Variants in DLG2 observed in about 807,000 individuals in gnomAD.
DLG2 encodes discs large MAGUK scaffold protein 2, also known as disks large homolog 2.
A neutral mutation model predicts 132.5 loss-of-function variants in DLG2; 45 were observed. The ratio of observed to expected loss-of-function variants is 0.34; its 90% CI spans 0.27 to 0.44. The LOEUF is 0.44. Among genes scored for constraint, DLG2 ranks in the 20% least tolerant of loss-of-function variants. The pLI is 1.00. For missense variants in DLG2, 1,045 were observed against 1,196.9 expected, an observed-to-expected ratio of 0.87 and a Z score of 1.87; for synonymous variants, 424 against 419.6, an observed-to-expected ratio of 1.01 and a Z score of -0.13.
chr11:84,357,891 G>C (rs1052411279), intron 7 of DLG2, among the ~76,000 whole-genome samples: 8 of 151,726 alleles, frequency 5.3e-5, no homozygotes, highest in African/African-American at 1.9e-4. Context: ...TTAATGTACA[G>C]GAGGGTTATT....
At chr11:83,729,665 T>TA (rs1166998616) in intron 18 of DLG2, among the ~76,000 whole-genome samples, 2 of 152,296 alleles carry the variant, frequency 1.3e-5, no homozygotes, top group East Asian at 3.9e-4. Context: ...GGGCTGCAGA[T>TA]AAAATTCTGC....
chr11:83,730,561 C>G (rs929026202), intron 18 of DLG2, among the ~76,000 whole-genome samples: 6 of 152,086 alleles, frequency 3.9e-5, no homozygotes, highest in Non-Finnish European at 7.4e-5. Context: ...GCTTTTCTAC[C>G]AGGGAGAGCA....
chr11:84,610,285 A>C (rs1217254438), intron 6 of DLG2, among the ~76,000 whole-genome samples: 1 of 152,072 alleles, frequency 6.6e-6, no homozygotes, highest in African/African-American at 2.4e-5. Context: ...AATACTAATT[A>C]TTATTCTGTA....
Position 84,910,174 on chromosome 11 carries a change from G to T in DLG2, c.357+201487C>A, listed in dbSNP as rs561032790. Among the ~76,000 whole-genome samples the T allele has an allele frequency of 6.2e-4, 94 of 152,128 alleles. 1 individual carries two copies. The highest frequency in any genetic ancestry group is 7.6e-4 in the Non-Finnish European group (52 of 68,022). ...CTGACTGAGTGATTAAAGATCAACCGCCTTGTCTAACCAACCTCTACCCTC... is the reference window on the plus strand; with the variant it reads ...CTGACTGAGTGATTAAAGATCAACCTCCTTGTCTAACCAACCTCTACCCTC... On this transcript the variant is annotated intron_variant, in intron 6 of 27. Coordinates refer to ENST00000376104, the MANE Select transcript of DLG2 (RefSeq NM_001142699.3).
rs77677654 is a variant in DLG2, at chr11:84,087,316, T to C, written c.749+11607A>G. Among the ~76,000 whole-genome samples the C allele has an allele frequency of 8.2e-3, 1,253 of 152,346 alleles. 14 individuals carry two copies. The highest frequency in any genetic ancestry group is 0.028 in the African/African-American group (1,160 of 41,578). Reference sequence around the variant, plus strand: ...TTCTCTACATCCTTGCCAACACTTATACTGTCCATCTTTTTTATTATAGCC... The same window carrying C: ...TTCTCTACATCCTTGCCAACACTTACACTGTCCATCTTTTTTATTATAGCC... On this transcript the variant is annotated intron_variant, in intron 10 of 27. Coordinates refer to ENST00000376104, the MANE Select transcript of DLG2 (RefSeq NM_001142699.3).
intron 7 of DLG2, among the ~76,000 whole-genome samples, chr11:84,473,734 A>G (rs998645364): frequency 2.0e-5 from 3 of 152,038 alleles, no homozygotes; most frequent in Non-Finnish European, 2.9e-5. Flanking sequence ...TTTCCTTTAT[A>G]TGTTGTAGAA....
chr11:83,485,194 A>C lies in DLG2; in HGVS notation c.2194-966T>G, dbSNP rs191868536. ...TTAGCTTAAATGAGGCTGAATTAAA[A>C]ATAACACATAGATACATAATACGAT... On this transcript the variant is annotated intron_variant, in intron 21 of 27. Transcript: ENST00000376104. Among the ~76,000 whole-genome samples, 7 of 152,266 alleles carry C rather than the reference A, an allele frequency of 4.6e-5. No homozygotes were observed. In the South Asian group the frequency reaches 6.2e-4, roughly 14 times the overall value.
chr11:83,955,845 A>C (rs1030262238), intron 14 of DLG2, among the ~76,000 whole-genome samples: 6 of 152,068 alleles, frequency 3.9e-5, no homozygotes, highest in African/African-American at 1.4e-4. Context: ...ATAGACTCCA[A>C]GTTCTTCAGC....
intron 6 of DLG2, among the ~76,000 whole-genome samples, chr11:84,650,873 G>GTGTATATA (rs1424393386): frequency 8.1e-6 from 1 of 124,008 alleles, no homozygotes; most frequent in Non-Finnish European, 1.7e-5. Context: ...GTGTGTGTGT[G>GTGTATATA]TATATATATA....
At chr11:83,939,528 C>T (rs1044832648) in intron 14 of DLG2, among the ~76,000 whole-genome samples, 5 of 152,104 alleles carry the variant, frequency 3.3e-5, no homozygotes, top group Non-Finnish European at 7.4e-5. Flanking sequence ...AGGTCTGAAG[C>T]TTAATATCAC....
At chr11:84,619,488 C>G (rs189732611) in intron 6 of DLG2, among the ~76,000 whole-genome samples, 1 of 150,832 alleles carries the variant, frequency 6.6e-6, no homozygotes, top group Non-Finnish European at 1.5e-5. Context: ...AATAATAATA[C>G]CAGAATAATA....
chr11:84,145,675 A>G (rs1281499100), intron 9 of DLG2, among the ~76,000 whole-genome samples: 1 of 152,182 alleles, frequency 6.6e-6, no homozygotes, highest in Non-Finnish European at 1.5e-5. Flanking sequence ...TGAGGGCAGT[A>G]AGACTTGGAC....
chr11:85,265,721 C>T (rs1179074873), intron 4 of DLG2, among the ~76,000 whole-genome samples: 2 of 152,204 alleles, frequency 1.3e-5, no homozygotes, highest in East Asian at 3.8e-4. Flanking sequence ...GCTTGCTGCA[C>T]CCACCATCCT....
chr11:85,563,419 T>TAA (rs1296170970), intron 3 of DLG2, among the ~76,000 whole-genome samples: 4 of 144,476 alleles, frequency 2.8e-5, no homozygotes, highest in Admixed American at 2.1e-4. Flanking sequence ...ATGAGTGGAT[T>TAA]AAAAAAAAAA....
At chr11:84,190,848 G>T (rs1308437672) in intron 8 of DLG2, among the ~76,000 whole-genome samples, 1 of 152,000 alleles carries the variant, frequency 6.6e-6, no homozygotes, top group African/African-American at 2.4e-5. Flanking sequence ...CAAGATTTCA[G>T]AAAAATAGGA....
intron 6 of DLG2, among the ~76,000 whole-genome samples, chr11:84,967,049 A>G (rs759064523): frequency 6.6e-6 from 1 of 152,158 alleles, no homozygotes; most frequent in Non-Finnish European, 1.5e-5. Flanking sequence ...AACTAGAATT[A>G]CACATTGGTA....
intron 11 of DLG2, among the ~76,000 whole-genome samples, chr11:84,026,489 A>AT: frequency 6.6e-6 from 1 of 152,276 alleles, no homozygotes; most frequent in South Asian, 2.1e-4. Flanking sequence ...AGAATGGAGG[A>AT]TCAGAGAAAT....
chr11:85,116,506 T>C (rs2073605934), intron 5 of DLG2, among the ~76,000 whole-genome samples: 2 of 152,020 alleles, frequency 1.3e-5, no homozygotes, highest in African/African-American at 4.8e-5. Flanking sequence ...CTTACAAATA[T>C]GATTTATGTG....
chr11:84,591,223 C>CTCTCTGTG (rs1555073566), intron 6 of DLG2, among the ~76,000 whole-genome samples: 11 of 139,288 alleles, frequency 7.9e-5, no homozygotes, highest in East Asian at 4.2e-4. Context: ...ATGTGTCTCT[C>CTCTCTGTG]TGTGTGTGTG....
Sources: gnomAD v4.1 joint callset for allele counts (sites outside exome capture counted in the v4.1 genomes callset) on GRCh38, gnomAD v4.1.1 for gene constraint, MANE v1.5 for transcripts, NCBI Gene and HGNC (gene_info 2026-07-23, HGNC 2026-07-21) for gene names.